Variants in MAP3K7CL observed in about 807,000 individuals in gnomAD.
MAP3K7CL encodes the protein MAP3K7 C-terminal-like protein.
A neutral mutation model predicts 18.6 loss-of-function variants in MAP3K7CL; 16 were observed. The observed-to-expected ratio is 0.86, with a 90% CI of 0.58 to 1.31. MAP3K7CL has a LOEUF of 1.31. Ranked by LOEUF, MAP3K7CL falls within the 50% of genes most tolerant of loss-of-function variation. The pLI, the probability that MAP3K7CL is intolerant of heterozygous loss-of-function variation, is 0.00. For missense variants in MAP3K7CL, 163 were observed against 174.4 expected, an observed-to-expected ratio of 0.93 and a Z score of 0.37; for synonymous variants, 65 against 66.8, an observed-to-expected ratio of 0.97 and a Z score of 0.13.
At chr21:29,102,974 A>G (rs1403470629) in intron 4 of MAP3K7CL, among the ~76,000 whole-genome samples, 1 of 152,158 alleles carries the variant, frequency 6.6e-6, no homozygotes, top group Non-Finnish European at 1.5e-5. Flanking sequence ...CCCACCAGCT[A>G]ACAGATCGAT....
At chr21:29,083,697 C>T (rs997252102), upstream of MAP3K7CL, among the ~76,000 whole-genome samples, 2 of 152,038 alleles carry the variant, frequency 1.3e-5, no homozygotes, top group Non-Finnish European at 2.9e-5. Context: ...TTCTGTCTAC[C>T]ACTCTTAACA....
At chr21:29,103,186 A>G (rs1431847592) in intron 4 of MAP3K7CL, among the ~76,000 whole-genome samples, 1 of 152,240 alleles carries the variant, frequency 6.6e-6, no homozygotes, top group Non-Finnish European at 1.5e-5. Context: ...CTGTTGGTTT[A>G]TATAGTGTCT....
At chr21:29,145,656 GC>G (rs1287074790) in intron 2 of MAP3K7CL, 1 of 152,200 alleles carries the variant, frequency 6.6e-6, no homozygotes, top group Non-Finnish European at 1.5e-5. Flanking sequence ...AGGGATGCCA[GC>G]TAAACCAGAT....
intron 4 of MAP3K7CL, among the ~76,000 whole-genome samples, chr21:29,120,090 T>TA (rs1245388448): frequency 7.9e-5 from 12 of 152,176 alleles, no homozygotes; most frequent in Non-Finnish European, 4.4e-5. Context: ...TACGGAGAAA[T>TA]ATGAAAACAG....
intron 4 of MAP3K7CL, among the ~76,000 whole-genome samples, chr21:29,125,026 C>T (rs2086659632): frequency 6.6e-6 from 1 of 152,192 alleles, no homozygotes; most frequent in South Asian, 2.1e-4. Flanking sequence ...TAAACTTCCA[C>T]AGCTTTTGAA....
intron 3 of MAP3K7CL, among the ~76,000 whole-genome samples, chr21:29,155,396 A>G (rs2087376852): frequency 6.6e-6 from 1 of 152,210 alleles, no homozygotes; most frequent in African/African-American, 2.4e-5. Flanking sequence ...GGATGGGGCC[A>G]GTAGTATTCG....
chr21:29,110,320 C>G (rs1458057117), intron 4 of MAP3K7CL, among the ~76,000 whole-genome samples: 1 of 152,080 alleles, frequency 6.6e-6, no homozygotes, highest in African/African-American at 2.4e-5. Flanking sequence ...TTTTCACTTT[C>G]TGGAATTTCT....
At chr21:29,108,419 C>A (rs2086361777) in intron 4 of MAP3K7CL, among the ~76,000 whole-genome samples, 2 of 152,066 alleles carry the variant, frequency 1.3e-5, no homozygotes, top group Non-Finnish European at 2.9e-5. Flanking sequence ...TTGTTTAAGC[C>A]CTCTAATTTA....
rs182125109 is a variant in MAP3K7CL at position 29,138,568 on chromosome 21, C to T, written c.70+5154C>T. 6.6e-5 allele frequency among the ~76,000 whole-genome samples: 10 copies of T among 152,280 alleles called. 1 individual carries two copies. In the East Asian group the frequency reaches 1.7e-3, roughly 26 times the overall value. ...CTGGCATGCTCCTTGTAAATTTAGA[C>T]CTTGGCTTTGGAATTCTTTCTGTCT... is the stretch of plus-strand genomic sequence containing the variant. On this transcript the variant is annotated intron_variant, in intron 2 of 4. Coordinates refer to ENST00000399928, the MANE Select transcript of MAP3K7CL (RefSeq NM_001286620.2).
chr21:29,139,419 A>G (rs892954291), intron 2 of MAP3K7CL: 3 of 152,176 alleles, frequency 2.0e-5, no homozygotes, highest in Non-Finnish European at 2.9e-5. Flanking sequence ...TCTTCCTTCA[A>G]CCTTTTCTAC....
chr21:29,096,793 G>A (rs189946799), intron 4 of MAP3K7CL, among the ~76,000 whole-genome samples: 100 of 152,230 alleles, frequency 6.6e-4, no homozygotes, highest in African/African-American at 2.3e-3. Context: ...GAAATCATCC[G>A]ATCTATCTCT....
At position 29,143,483 on chromosome 21, in the gene MAP3K7CL, C is replaced by T. The variant is rs982384515; in HGVS notation, c.71-5706C>T. Among the ~76,000 whole-genome samples, 17 of 151,452 alleles carry T rather than the reference C, an allele frequency of 1.1e-4. 1 individual carries two copies. The highest frequency in any genetic ancestry group is 3.6e-4 in the African/African-American group (15 of 41,236). ...TGTTGCCCAGGCTGGAGTACAGTTG[C>T]GCAATCTCGGCTCACTGCAACCTCC... is the stretch of plus-strand genomic sequence containing the variant. On this transcript the variant is annotated intron_variant, in intron 2 of 4. Coordinates refer to ENST00000399928, the MANE Select transcript of MAP3K7CL (RefSeq NM_001286620.2).
At chr21:29,133,032 T>C (rs2086808616) in intron 1 of MAP3K7CL, among the ~76,000 whole-genome samples, 1 of 152,186 alleles carries the variant, frequency 6.6e-6, no homozygotes, top group East Asian at 1.9e-4. Flanking sequence ...TAAAAAGATA[T>C]TGAGCAAGTA....
intron 4 of MAP3K7CL, among the ~76,000 whole-genome samples, chr21:29,099,408 A>G (rs540954141): frequency 2.0e-5 from 3 of 152,126 alleles, no homozygotes; most frequent in South Asian, 2.1e-4. Context: ...CCCAGCTAAA[A>G]TACTAGTTTT....
At chr21:29,126,516 T>A (rs1266042545), upstream of MAP3K7CL, among the ~76,000 whole-genome samples, 2 of 152,202 alleles carry the variant, frequency 1.3e-5, no homozygotes, top group African/African-American at 4.8e-5. Context: ...TGGAGTACAA[T>A]GGTGTGGTCT....
intron 4 of MAP3K7CL, among the ~76,000 whole-genome samples, chr21:29,101,227 GT>G (rs1661800166): frequency 6.6e-6 from 1 of 152,192 alleles, no homozygotes; most frequent in Non-Finnish European, 1.5e-5. Flanking sequence ...TTACATGGGT[GT>G]GAAAAGCAGG....
intron 4 of MAP3K7CL, among the ~76,000 whole-genome samples, chr21:29,166,052 A>G (rs1349528123): frequency 2.6e-5 from 4 of 152,186 alleles, no homozygotes; most frequent in Non-Finnish European, 5.9e-5. Flanking sequence ...TGAAGTGTAC[A>G]TCATTGTTAA....
At chr21:29,152,228 A>G (rs1601248449) in intron 3 of MAP3K7CL, among the ~76,000 whole-genome samples, 1 of 152,244 alleles carries the variant, frequency 6.6e-6, no homozygotes, top group East Asian at 1.9e-4. Flanking sequence ...CAGCAAGACG[A>G]TGATGGTTGG....
intron 4 of MAP3K7CL, chr21:29,109,256 A>G: frequency 1.3e-6 from 2 of 1,534,220 alleles, no homozygotes; most frequent in Non-Finnish European, 1.7e-6. Context: ...CCATATATAC[A>G]ACCAGATAGT....
Sources: gnomAD v4.1 joint callset for allele counts (sites outside exome capture counted in the v4.1 genomes callset) on GRCh38, gnomAD v4.1.1 for gene constraint, MANE v1.5 for transcripts, NCBI Gene and HGNC (gene_info 2026-07-23, HGNC 2026-07-21) for gene names.